NAA35: variants seen among roughly 807,000 people sequenced by gnomAD.
NAA35 encodes MAK10 homolog, amino-acid N-acetyltransferase subunit.
A neutral mutation model predicts 101.7 loss-of-function variants in NAA35; 18 were observed. The ratio of observed to expected loss-of-function variants is 0.18; its 90% CI spans 0.12 to 0.26. NAA35 has a LOEUF of 0.26. Ranked by LOEUF, NAA35 falls within the 10% of genes least tolerant of loss-of-function variation. NAA35 has a pLI of 1.00. For missense variants in NAA35, 601 were observed against 886.8 expected (o/e 0.68, Z 4.09); for synonymous variants, 267 against 273.1 (o/e 0.98, Z 0.22).
At chr9:86,016,773 G>C in intron 18 of NAA35, 98 bp downstream of exon 18, 1 of 1,249,574 alleles carries the variant, frequency 8.0e-7, no homozygotes. Flanking sequence ...TTATATTTTA[G>C]TTCTTGTTCC....
At chr9:85,987,350 TC>T (rs1192609046) in intron 11 of NAA35, among the ~76,000 whole-genome samples, 3 of 152,182 alleles carry the variant, frequency 2.0e-5, no homozygotes, top group African/African-American at 7.2e-5. Flanking sequence ...TCCTTTAACT[TC>T]CTGAGGACTA....
chr9:86,013,632 T>A lies in NAA35; in HGVS notation c.1390-87T>A, dbSNP rs556880290. ...GTCAGATTTAAATTTTCTGCTCATA[T>A]TCTTTTTAGCTGTACGTTTTTTTAA... On this transcript the variant is annotated intron_variant, in intron 16 of 22. Transcript: ENST00000361671. 1.7e-5 allele frequency: 22 copies of A among 1,261,530 alleles called. No homozygotes were observed. The East Asian group carries it at 5.2e-4, about 30-fold the overall frequency. The allele number at this position is 1,261,530 out of a possible 1,614,324, so 78.1% of individuals were successfully genotyped here.
At position 85,941,187 on chromosome 9, in the gene NAA35, G is replaced by T; in HGVS notation, c.-92G>T. 1.0e-6 allele frequency: 1 copy of T among 987,040 alleles called. No individual in the cohort carries two copies. The highest frequency in any genetic ancestry group is 4.6e-5 in the South Asian group (1 of 21,650). 61.1% of individuals were successfully genotyped at this position (987,040 alleles called of 1,614,324 possible). A position where few individuals can be genotyped will look rare whatever the true frequency, so the allele number is the denominator to read the frequency against. Reference sequence around the variant, plus strand: ...GCTGCCGGTCGGGCTGGGCTGAGAGGGGAGGGGGCGGCGGCGGCCGAGGCG... The same window carrying T: ...GCTGCCGGTCGGGCTGGGCTGAGAGTGGAGGGGGCGGCGGCGGCCGAGGCG... On this transcript the variant is annotated 5_prime_UTR_variant, in exon 1 of 23. Coordinates refer to ENST00000361671, the MANE Select transcript of NAA35 (RefSeq NM_024635.4).
At chr9:86,012,007 T>C (rs970778074) in intron 15 of NAA35, among the ~76,000 whole-genome samples, 1 of 145,032 alleles carries the variant, frequency 6.9e-6, no homozygotes, top group African/African-American at 2.5e-5. Context: ...TAATATATAA[T>C]GGAAAGGCAG....
At chr9:85,954,269 T>C (rs2118313869) in intron 2 of NAA35, among the ~76,000 whole-genome samples, 1 of 152,212 alleles carries the variant, frequency 6.6e-6, no homozygotes, top group South Asian at 2.1e-4. Context: ...ATTTTATAGA[T>C]ACAGGGTCTC....
At chr9:85,990,931 G>A (rs539710668) in intron 11 of NAA35, among the ~76,000 whole-genome samples, 1 of 152,312 alleles carries the variant, frequency 6.6e-6, no homozygotes, top group South Asian at 2.1e-4. Flanking sequence ...CATCTGCAAA[G>A]AGATAAACCT....
At chr9:85,959,927 G>A in intron 5 of NAA35, 60 bp downstream of exon 5, 2 of 1,271,144 alleles carry the variant, frequency 1.6e-6, no homozygotes, top group Non-Finnish European at 2.3e-6. Context: ...TGAATCTTGT[G>A]ATTTAAAAGC....
chr9:85,966,685 A>C lies in NAA35; in HGVS notation c.516+4505A>C, dbSNP rs375822808. The stretch of plus-strand genomic sequence containing the variant: ...GTTGGAAGGAATGCAGTAAGTTGAC[A>C]CTTCTGTTTTTACTAGTATACATTA... On this transcript the variant is annotated intron_variant, in intron 6 of 22. Coordinates refer to ENST00000361671, the MANE Select transcript of NAA35 (RefSeq NM_024635.4). 3,858 of 1,250,630 alleles carry C rather than the reference A, an allele frequency of 3.1e-3. 132 individuals are homozygous for C. The South Asian group carries it at 0.048, about 15-fold the overall frequency. 77.5% of individuals were successfully genotyped at this position (1,250,630 alleles called of 1,614,324 possible). A position where few individuals can be genotyped will look rare whatever the true frequency, so the allele number is the denominator to read the frequency against.
At chr9:85,949,279 ATTTTTCTTTTTTTC>A (rs1265565592) in intron 2 of NAA35, among the ~76,000 whole-genome samples, 4 of 138,956 alleles carry the variant, frequency 2.9e-5, no homozygotes, top group Non-Finnish European at 4.7e-5. Flanking sequence ...TTTCTTCCCT[ATTTTTCTTTTTTTC>A]TTTTTCTTTT....
At chr9:85,958,806 A>T (rs1829384895) in intron 4 of NAA35, among the ~76,000 whole-genome samples, 3 of 152,206 alleles carry the variant, frequency 2.0e-5, no homozygotes. Flanking sequence ...GTGTACTTTT[A>T]AATTTAATTT....
At chr9:85,961,894 A>C (rs1418749981) in intron 5 of NAA35, 119 bp from the exon 6 acceptor site, 1 of 623,362 alleles carries the variant, frequency 1.6e-6, no homozygotes, top group Non-Finnish European at 2.5e-6. Flanking sequence ...TTTTTTTTTT[A>C]AGTCTTGTGA....
chr9:85,991,342 G>A (rs867047859), intron 11 of NAA35, among the ~76,000 whole-genome samples: 1 of 152,050 alleles, frequency 6.6e-6, no homozygotes, highest in Non-Finnish European at 1.5e-5. Flanking sequence ...GACCAAGCCA[G>A]GTAATGAGGG....
chr9:85,948,022 AG>A (rs1489452582), intron 2 of NAA35, among the ~76,000 whole-genome samples: 2 of 152,146 alleles, frequency 1.3e-5, no homozygotes. Flanking sequence ...TTAATGAAAA[AG>A]GAGTTTCTAG....
intron 1 of NAA35, chr9:85,941,651 G>T: frequency 2.0e-6 from 2 of 986,466 alleles, no homozygotes; most frequent in Non-Finnish European, 2.4e-6. Context: ...TGCGGTGCCT[G>T]CCGGCTCCTC....
rs916549906 is a variant in NAA35, at chr9:86,025,355, G to A, written c.*3395G>A. 1.3e-5 allele frequency among the ~76,000 whole-genome samples: 2 copies of A among 152,142 alleles called. No individual in the cohort carries two copies. Among genetic ancestry groups the A allele is most frequent in the Non-Finnish European group, 2.9e-5 (2 of 68,030 alleles). ...GGGCAGAAGCTGGAAAGTCAGTTGAGGTGTAGACCATGCAGTGAGGAAAGA... is the reference window on the plus strand; with the variant it reads ...GGGCAGAAGCTGGAAAGTCAGTTGAAGTGTAGACCATGCAGTGAGGAAAGA... On this transcript the variant is annotated 3_prime_UTR_variant, in exon 23 of 23. Coordinates refer to ENST00000361671, the MANE Select transcript of NAA35 (RefSeq NM_024635.4).
intron 20 of NAA35, 61 bp downstream of exon 20, chr9:86,018,456 C>T (rs1832342656): frequency 6.6e-7 from 1 of 1,521,228 alleles, no homozygotes. Flanking sequence ...TAGAGAGATG[C>T]TGTTTGTACC....
chr9:85,957,449 G>T (rs576088696), intron 3 of NAA35, among the ~76,000 whole-genome samples: 20 of 152,278 alleles, frequency 1.3e-4, no homozygotes, highest in African/African-American at 4.6e-4. Flanking sequence ...TTGTGAAAGG[G>T]TCAACTGTAA....
intron 2 of NAA35, among the ~76,000 whole-genome samples, chr9:85,943,176 GAA>G (rs35534835): frequency 6.6e-6 from 1 of 152,092 alleles, no homozygotes; most frequent in South Asian, 2.1e-4. Context: ...TGCTTGAGGG[GAA>G]AGAGTCTAGG....
At chr9:85,977,567 C>T (rs1376499408) in intron 10 of NAA35, 121 bp downstream of exon 10, 5 of 667,264 alleles carry the variant, frequency 7.5e-6, no homozygotes, top group African/African-American at 7.2e-5. Flanking sequence ...CAGAACTCAG[C>T]ATTTGGTATA....
Sources: gnomAD v4.1 joint callset for allele counts (sites outside exome capture counted in the v4.1 genomes callset) on GRCh38, gnomAD v4.1.1 for gene constraint, MANE v1.5 for transcripts, NCBI Gene and HGNC (gene_info 2026-07-23, HGNC 2026-07-21) for gene names.